Variants in BTBD16 observed in about 807,000 individuals in gnomAD.
BTBD16 encodes the protein BTB domain containing 16.
In BTBD16, 66 loss-of-function variants were observed where a neutral mutation model predicts 67.4. The ratio of observed to expected loss-of-function variants is 0.98; its 90% confidence interval spans 0.80 to 1.20. The LOEUF is 1.20. Among genes scored for constraint, BTBD16 ranks in the 50% most tolerant of loss-of-function variants. The pLI is 0.00. For missense variants in BTBD16, 634 were observed against 616.0 expected (o/e 1.03, Z -0.31); for synonymous variants, 242 against 236.4 (o/e 1.02, Z -0.22).
intron 1 of BTBD16, among the ~76,000 whole-genome samples, chr10:122,273,298 T>C (rs2096333378): frequency 6.7e-6 from 1 of 150,264 alleles, no homozygotes; most frequent in Non-Finnish European, 1.5e-5. Flanking sequence ...CATGTATAGA[T>C]ATATGTATAC....
At chr10:122,333,473 T>C (rs2133325271) in intron 13 of BTBD16, among the ~76,000 whole-genome samples, 1 of 152,290 alleles carries the variant, frequency 6.6e-6, no homozygotes, top group Admixed American at 6.5e-5. Context: ...CTACTAACTG[T>C]ACCAACTGTT....
intron 1 of BTBD16, among the ~76,000 whole-genome samples, chr10:122,272,084 A>G (rs2096329846): frequency 1.3e-5 from 2 of 152,146 alleles, no homozygotes; most frequent in African/African-American, 4.8e-5. Flanking sequence ...GGAGTTCATC[A>G]TCCTGGCTCC....
chr10:122,278,875 C>G (rs2096346467), intron 3 of BTBD16, among the ~76,000 whole-genome samples: 1 of 152,220 alleles, frequency 6.6e-6, no homozygotes, highest in South Asian at 2.1e-4. Context: ...CCATGAGCCT[C>G]TTGTCCTCCT....
intron 4 of BTBD16, among the ~76,000 whole-genome samples, chr10:122,284,189 A>C (rs977137713): frequency 2.0e-5 from 3 of 152,194 alleles, no homozygotes; most frequent in Non-Finnish European, 4.4e-5. Flanking sequence ...TAAATAGCCC[A>C]CACCTGTAAT....
At position 122,291,139 on chromosome 10, in the gene BTBD16, C is replaced by G. The variant is rs2142066874; in HGVS notation, c.535C>G (p.Leu179Val). The G allele has an allele frequency of 6.2e-7, 1 of 1,613,768 alleles. No homozygotes were observed. The highest frequency in any genetic ancestry group is 8.5e-7 in the Non-Finnish European group (1 of 1,179,856). ...TGAGGTGGAGATTAACTTGGAAGAC[C>G]TACTGGGAGTGCTGGCTTCCGCCCA... ...MSEVEINLED[L>V]LGVLASAHIL... The change falls in exon 7 of 16, where the codon CTA becomes GTA. Residue 179 changes from leucine (L) to valine (V), a missense_variant. Physicochemically the swap from Leu to Val is conservative, Grantham distance 32. Coordinates refer to ENST00000260723, the MANE Select transcript of BTBD16 (RefSeq NM_144587.5).
chr10:122,329,638 C>G, intron 11 of BTBD16, 67 bp downstream of exon 11: 3 of 1,347,816 alleles, frequency 2.2e-6, no homozygotes, highest in South Asian at 1.2e-5. Flanking sequence ...CCCCCAGCCA[C>G]TGCCGGGGGA....
intron 10 of BTBD16, among the ~76,000 whole-genome samples, chr10:122,311,849 A>G (rs2096414282): frequency 1.3e-5 from 2 of 152,132 alleles, no homozygotes; most frequent in Admixed American, 6.5e-5. Context: ...CTACCAATAC[A>G]TCTTCCCTTT....
At chr10:122,292,214 G>A (rs1433567410) in intron 7 of BTBD16, among the ~76,000 whole-genome samples, 2 of 152,198 alleles carry the variant, frequency 1.3e-5, no homozygotes, top group African/African-American at 4.8e-5. Flanking sequence ...ATAAAATGTG[G>A]CTTATAACAT....
At chr10:122,275,226 C>A in intron 2 of BTBD16, 127 bp downstream of exon 2, 1 of 945,174 alleles carries the variant, frequency 1.1e-6, no homozygotes, top group Non-Finnish European at 1.7e-6. Flanking sequence ...TTGGCTGACT[C>A]GGCTGGAAAG....
intron 11 of BTBD16, 142 bp downstream of exon 11, chr10:122,329,713 C>A: frequency 1.5e-6 from 1 of 679,770 alleles, no homozygotes; most frequent in Non-Finnish European, 2.5e-6. Context: ...AGCTGTGTGA[C>A]TTCGGGAAAG....
chr10:122,298,695 C>T (rs369314960), intron 8 of BTBD16, among the ~76,000 whole-genome samples: 7 of 152,124 alleles, frequency 4.6e-5, no homozygotes, highest in East Asian at 1.9e-4. Flanking sequence ...CTGCCACTTA[C>T]GAGTTGTGTG....
At chr10:122,326,888 G>A (rs969092295) in intron 10 of BTBD16, among the ~76,000 whole-genome samples, 5 of 152,204 alleles carry the variant, frequency 3.3e-5, no homozygotes, top group African/African-American at 1.2e-4. Context: ...ACAGAGCGCA[G>A]TACCAGGGAA....
rs755730720 is a variant in BTBD16 at position 122,289,927 on chromosome 10, C to T, written c.404C>T (p.Thr135Ile). The T allele has an allele frequency of 2.5e-6, 4 of 1,613,666 alleles. No individual in the cohort carries two copies. The highest frequency in any genetic ancestry group is 1.7e-5 in the Admixed American group (1 of 59,968). ...ELLRAQSPKKTKEKSPAKRII... is the reference protein window; with the variant it reads ...ELLRAQSPKKIKEKSPAKRII... ...TTACTAGCTCAATCACCTAAGAAGA[C>T]CAAAGAAAAATCCCCTGCAAAGAGG... Residue 135 changes from threonine (T) to isoleucine (I), a missense_variant, in exon 6 of 16, where the codon ACC becomes ATC. By Grantham distance (89) the Thr-to-Ile change is moderately conservative. Coordinates refer to ENST00000260723, the MANE Select transcript of BTBD16 (RefSeq NM_144587.5).
intron 5 of BTBD16, among the ~76,000 whole-genome samples, chr10:122,288,769 G>C (rs181737885): frequency 4.6e-5 from 7 of 152,188 alleles, no homozygotes; most frequent in East Asian, 3.9e-4. Flanking sequence ...AGCCCTCTCG[G>C]GGGGAGGGAC....
chr10:122,319,036 G>A (rs1314523204), intron 10 of BTBD16, among the ~76,000 whole-genome samples: 2 of 152,180 alleles, frequency 1.3e-5, no homozygotes, highest in African/African-American at 4.8e-5. Context: ...CTTCTTTAGT[G>A]AAAAGTCTGT....
intron 12 of BTBD16, 184 bp from the exon 13 acceptor site, chr10:122,332,252 A>G (rs1297360696): frequency 3.4e-6 from 2 of 595,160 alleles, no homozygotes; most frequent in African/African-American, 3.7e-5. Flanking sequence ...ACACAGTGCC[A>G]GACACAGTAA....
At chr10:122,329,176 A>G (rs1015778650) in intron 10 of BTBD16, among the ~76,000 whole-genome samples, 6 of 152,178 alleles carry the variant, frequency 3.9e-5, no homozygotes, top group Non-Finnish European at 5.9e-5. Context: ...GTAAAGTAAC[A>G]TGTGTTCCCA....
intron 9 of BTBD16, among the ~76,000 whole-genome samples, chr10:122,302,785 C>T (rs1030605291): frequency 6.6e-6 from 1 of 152,190 alleles, no homozygotes; most frequent in African/African-American, 2.4e-5. Flanking sequence ...GTTACCCAGA[C>T]TGATTCCTAT....
Position 122,336,684 on chromosome 10 carries a change from C to G in BTBD16, c.1452+2C>G. The stretch of plus-strand genomic sequence containing the variant: ...ACCACGTCATCCTGCAAAAGCCATG[C>G]AAGTGTTCACGTTGTCTTTTCCTTT... On this transcript the variant is annotated splice_donor_variant, in intron 15 of 15. Transcript: ENST00000260723. LOFTEE classifies it high-confidence loss of function. 6.3e-7 allele frequency: 1 copy of G among 1,574,808 alleles called. No homozygotes were observed. Among genetic ancestry groups the G allele is most frequent in the Non-Finnish European group, 8.6e-7 (1 of 1,166,356 alleles).
Sources: gnomAD v4.1 joint callset for allele counts (sites outside exome capture counted in the v4.1 genomes callset) on GRCh38, gnomAD v4.1.1 for gene constraint, MANE v1.5 for transcripts, NCBI Gene and HGNC (gene_info 2026-07-23, HGNC 2026-07-21) for gene names.